Variants in DNAJC13 observed in about 807,000 individuals in gnomAD.
The protein encoded by DNAJC13 is dnaJ homolog subfamily C member 13.
DNAJC13 carries 75 observed loss-of-function variants against 290.5 expected under a neutral mutation model. That is an observed-to-expected ratio of 0.26 (90% CI 0.21 to 0.31). The LOEUF (loss-of-function observed/expected upper bound fraction) is 0.31. Among genes scored for constraint, DNAJC13 ranks in the 10% least tolerant of loss-of-function variants. DNAJC13 has a pLI of 1.00. For missense variants in DNAJC13, 2,260 were observed against 2,674.5 expected (o/e 0.85, Z 3.42); for synonymous variants, 862 against 892.0 (o/e 0.97, Z 0.60).
At chr3:132,460,010 G>A (rs1933737187) in intron 13 of DNAJC13, among the ~76,000 whole-genome samples, 1 of 152,188 alleles carries the variant, frequency 6.6e-6, no homozygotes, top group African/African-American at 2.4e-5. Flanking sequence ...TTTTGAGAGA[G>A]TACCTTTTGT....
chr3:132,475,560 G>A (rs1934443289), intron 22 of DNAJC13, among the ~76,000 whole-genome samples: 1 of 152,064 alleles, frequency 6.6e-6, no homozygotes, highest in African/African-American at 2.4e-5. Context: ...ACGTGTGGGT[G>A]TATATATAGT....
chr3:132,500,951 C>T, intron 39 of DNAJC13, 38 bp downstream of exon 39: 1 of 1,604,996 alleles, frequency 6.2e-7, no homozygotes, highest in Non-Finnish European at 8.5e-7. Flanking sequence ...ATACAGACAG[C>T]AAAGTGTCTT....
chr3:132,457,571 G>C (rs552236252), intron 13 of DNAJC13: 234 of 509,064 alleles, frequency 4.6e-4, no homozygotes, highest in Non-Finnish European at 7.0e-4. Context: ...TCTTAAGACA[G>C]AAGTTCTTTT....
chr3:132,454,215 C>A, intron 9 of DNAJC13, 58 bp downstream of exon 9: 1 of 1,232,346 alleles, frequency 8.1e-7, no homozygotes, highest in South Asian at 1.4e-5. Flanking sequence ...AGTGCTTGGT[C>A]AACAAGGAAA....
intron 8 of DNAJC13, 128 bp from the exon 9 acceptor site, chr3:132,453,938 C>A (rs188129203): frequency 4.3e-5 from 36 of 828,260 alleles, no homozygotes; most frequent in Non-Finnish European, 6.7e-5. Flanking sequence ...AAGTTTTAAA[C>A]TCTTATATTG....
intron 41 of DNAJC13, among the ~76,000 whole-genome samples, chr3:132,504,545 G>A (rs1023306040): frequency 6.6e-6 from 1 of 152,106 alleles, no homozygotes; most frequent in African/African-American, 2.4e-5. Flanking sequence ...GTTGGCATGA[G>A]CTCCAACTGG....
intron 21 of DNAJC13, 48 bp downstream of exon 21, chr3:132,473,275 A>G: frequency 2.3e-6 from 3 of 1,287,008 alleles, no homozygotes; most frequent in Non-Finnish European, 3.3e-6. Context: ...TAGTATTGCC[A>G]TGAGAGGCAT....
At chr3:132,445,737 GT>G (rs1933226131) in intron 2 of DNAJC13, among the ~76,000 whole-genome samples, 1 of 151,894 alleles carries the variant, frequency 6.6e-6, no homozygotes, top group African/African-American at 2.4e-5. Context: ...CCTTAATTTT[GT>G]TTTATATATA....
Position 132,515,196 on chromosome 3 carries a change from CCTGAGATTG to C in DNAJC13, c.5485+529_5485+537del, listed in dbSNP as rs1210817020. Among the ~76,000 whole-genome samples the C allele has an allele frequency of 2.0e-5, 3 of 152,102 alleles. No homozygotes were observed. In the East Asian group the frequency reaches 5.8e-4, roughly 29 times the overall value. ...AGTTTATAGTTGTGCTAAAACCAACCCTGAGATTGCTTTTCAAAGGCAGGAATATTGAGT... is the reference window on the plus strand; with the variant it reads ...AGTTTATAGTTGTGCTAAAACCAACCCTTTTCAAAGGCAGGAATATTGAGT... On this transcript the variant is annotated intron_variant, in intron 46 of 55. Transcript: ENST00000260818.
At chr3:132,436,883 C>CTTTTTTTTTTTTT (rs68049166) in intron 2 of DNAJC13, among the ~76,000 whole-genome samples, 1 of 141,932 alleles carries the variant, frequency 7.0e-6, no homozygotes, top group Non-Finnish European at 1.5e-5. Flanking sequence ...TTTTATTTTA[C>CTTTTTTTTTTTTT]TTTTTTTTTT....
intron 1 of DNAJC13, among the ~76,000 whole-genome samples, chr3:132,426,004 G>T (rs1939080106): frequency 6.6e-6 from 1 of 152,110 alleles, no homozygotes; most frequent in African/African-American, 2.4e-5. Flanking sequence ...TCAAAATTAT[G>T]TGTCTTCTAA....
At chr3:132,527,713 T>C (rs1936302272) in intron 53 of DNAJC13, among the ~76,000 whole-genome samples, 1 of 152,208 alleles carries the variant, frequency 6.6e-6, no homozygotes, top group Non-Finnish European at 1.5e-5. Context: ...ATAGTGAAAA[T>C]TGTGACATTA....
Position 132,503,444 on chromosome 3 carries a change from T to C in DNAJC13, c.4884+63T>C, listed in dbSNP as rs1935486814. ...GTGCAAGATCCTTTAAGCAGTAAAG[T>C]AGTACAATAATATTGATCTAGGGAA... On this transcript the variant is annotated intron_variant, in intron 41 of 55. Coordinates refer to ENST00000260818, the MANE Select transcript of DNAJC13 (RefSeq NM_015268.4). The C allele has an allele frequency of 1.5e-5, 23 of 1,571,968 alleles. 1 individual carries two copies. Among genetic ancestry groups the C allele is most frequent in the Non-Finnish European group, 1.9e-5 (22 of 1,150,258 alleles).
chr3:132,492,070 C>A (rs16839309), intron 32 of DNAJC13, among the ~76,000 whole-genome samples: 8,345 of 152,086 alleles, frequency 0.055, 479 homozygotes, highest in African/African-American at 0.15. Flanking sequence ...TACCATCTAG[C>A]GAGCTTCTTT....
At position 132,505,359 on chromosome 3, in the gene DNAJC13, A is replaced by G. The variant is rs779247088; in HGVS notation, c.4942A>G (p.Thr1648Ala). The change falls in exon 42 of 56, where the codon ACA becomes GCA. Residue 1648 changes from threonine (T) to alanine (A), a missense_variant. This residue lies in a region of DNAJC13 where 1,494 missense variants were observed against 1,693.7 expected (regional missense o/e 0.88). Transcript: ENST00000260818. ...ESPYLIWNNS[T>A]RAELLEFLES... ...TCCATATTTGATATGGAACAATTCT[A>G]CAAGAGCAGAATTACTTGAATTTCT... is the stretch of plus-strand genomic sequence containing the variant. 1.2e-6 allele frequency: 2 copies of G among 1,611,534 alleles called. No individual in the cohort carries two copies. The highest frequency in any genetic ancestry group is 1.7e-5 in the Admixed American group (1 of 59,594).
At chr3:132,487,075 T>G (rs534067889) in intron 29 of DNAJC13, among the ~76,000 whole-genome samples, 1 of 152,184 alleles carries the variant, frequency 6.6e-6, no homozygotes, top group African/African-American at 2.4e-5. Flanking sequence ...CTTTTTAAAA[T>G]ATGTAATAGT....
intron 5 of DNAJC13, among the ~76,000 whole-genome samples, chr3:132,448,945 C>A (rs1236376754): frequency 1.3e-5 from 2 of 152,164 alleles, no homozygotes; most frequent in Non-Finnish European, 2.9e-5. Flanking sequence ...CGTACCTCAT[C>A]TGTTTGGGAA....
chr3:132,536,295 G>A (rs981845165), intron 55 of DNAJC13, among the ~76,000 whole-genome samples: 1 of 152,168 alleles, frequency 6.6e-6, no homozygotes, highest in Non-Finnish European at 1.5e-5. Context: ...GTAGGCTGGG[G>A]TGGGAAGATC....
chr3:132,419,873 TAA>T (rs1309090075), intron 1 of DNAJC13, among the ~76,000 whole-genome samples: 10 of 152,336 alleles, frequency 6.6e-5, no homozygotes, highest in Admixed American at 3.3e-4. Context: ...TCCCTTTTTA[TAA>T]AAAATAATTA....
Sources: gnomAD v4.1 joint callset for allele counts (sites outside exome capture counted in the v4.1 genomes callset) on GRCh38, gnomAD v4.1.1 for gene constraint, gnomAD v4.1.1 regional missense constraint, MANE v1.5 for transcripts, NCBI Gene and HGNC (gene_info 2026-07-23, HGNC 2026-07-21) for gene names.